The following MYO3B variants were observed in gnomAD, a reference collection of about 807,000 sequenced individuals.
MYO3B encodes myosin-IIIb.
Under a neutral mutation model 174.6 loss-of-function variants are expected in MYO3B, and 156 were observed. The observed-to-expected ratio is 0.89, with a 90% CI of 0.78 to 1.02. MYO3B has a LOEUF of 1.02. Among genes scored for constraint, MYO3B ranks in the 50% least tolerant of loss-of-function variants. The pLI, the probability that MYO3B is intolerant of heterozygous loss-of-function variation, is 0.00. For synonymous variants in MYO3B, 563 were observed against 569.1 expected (o/e 0.99, Z 0.15); for missense variants, 1,632 against 1,639.4 (o/e 1.00, Z 0.08).
chr2:170,487,538 C>T (rs1447072880), intron 25 of MYO3B, among the ~76,000 whole-genome samples: 1 of 152,058 alleles, frequency 6.6e-6, no homozygotes, highest in Non-Finnish European at 1.5e-5. Context: ...ATACCAAAGC[C>T]CTAAAACTCT....
chr2:170,180,722 A>G (rs899436425), intron 1 of MYO3B, among the ~76,000 whole-genome samples: 1 of 152,190 alleles, frequency 6.6e-6, no homozygotes, highest in Admixed American at 6.5e-5. Flanking sequence ...ACCTCTCCCT[A>G]AAGTTTAAGA....
At position 170,423,585 on chromosome 2, in the gene MYO3B, C is replaced by CTTTTTTT. The variant is rs34209442; in HGVS notation, c.2650+15752_2650+15758dup. Among the ~76,000 whole-genome samples the CTTTTTTT allele has an allele frequency of 4.0e-5, 5 of 124,298 alleles. 1 individual carries two copies. The highest frequency in any genetic ancestry group is 6.4e-5 in the Non-Finnish European group (4 of 62,022). The allele number at this position is 124,298 out of a possible 152,430, so 81.5% of individuals were successfully genotyped here. ...CGGATTTGCAGAGTTTCAGCAAAAG[C>CTTTTTTT]TTTTTTTTTTTTTTTTTGAGACAGA... On this transcript the variant is annotated intron_variant, in intron 22 of 34. Transcript: ENST00000408978.
chr2:170,390,947 T>C (rs908699389), intron 14 of MYO3B, among the ~76,000 whole-genome samples: 1 of 152,122 alleles, frequency 6.6e-6, no homozygotes, highest in African/African-American at 2.4e-5. Flanking sequence ...CAGGCTATGC[T>C]CAGAGTAGCA....
chr2:170,614,065 C>T (rs1185433645), intron 32 of MYO3B, among the ~76,000 whole-genome samples: 1 of 152,092 alleles, frequency 6.6e-6, no homozygotes, highest in Non-Finnish European at 1.5e-5. Context: ...AGATTTCATC[C>T]CTCTCTTCAA....
chr2:170,411,078 G>A (rs2094543310), intron 22 of MYO3B, among the ~76,000 whole-genome samples: 2 of 152,078 alleles, frequency 1.3e-5, no homozygotes, highest in African/African-American at 4.8e-5. Context: ...TTTCTTTATC[G>A]AAGGATTCCT....
intron 6 of MYO3B, among the ~76,000 whole-genome samples, chr2:170,227,711 C>A (rs2092967354): frequency 6.6e-6 from 1 of 152,186 alleles, no homozygotes; most frequent in Non-Finnish European, 1.5e-5. Flanking sequence ...ACCACAGATA[C>A]TTGCCGATGA....
chr2:170,282,427 A>G (rs915104637), intron 7 of MYO3B, among the ~76,000 whole-genome samples: 2 of 152,210 alleles, frequency 1.3e-5, no homozygotes, highest in Admixed American at 1.3e-4. Flanking sequence ...ATGTAGGTTT[A>G]CTTTGGGTTT....
At position 170,214,248 on chromosome 2, in the gene MYO3B, C is replaced by T. The variant is rs2092803610; in HGVS notation, c.322-131C>T. The stretch of plus-strand genomic sequence containing the variant: ...ATGGAAATGTGAAGTCTGAGTATTC[C>T]AAGCTGGAGTTTTGTAATCTGCAAA... On this transcript the variant is annotated intron_variant, in intron 3 of 34. Coordinates refer to ENST00000408978, the MANE Select transcript of MYO3B (RefSeq NM_138995.5). 4.1e-5 allele frequency: 26 copies of T among 633,488 alleles called. No individual in the cohort carries two copies. The South Asian group carries it at 5.4e-4, about 13-fold the overall frequency. 39.2% of individuals were successfully genotyped at this position (633,488 alleles called of 1,614,324 possible).
At chr2:170,211,511 G>A (rs1221575380) in intron 3 of MYO3B, among the ~76,000 whole-genome samples, 2 of 151,910 alleles carry the variant, frequency 1.3e-5, no homozygotes, top group Admixed American at 1.3e-4. Flanking sequence ...GAGCGTATGC[G>A]GTATTTTCGA....
intron 32 of MYO3B, among the ~76,000 whole-genome samples, chr2:170,610,997 T>C (rs1695096722): frequency 6.6e-6 from 1 of 152,200 alleles, no homozygotes; most frequent in Non-Finnish European, 1.5e-5. Flanking sequence ...TGCAGATCCA[T>C]GAGACCAGAG....
At chr2:170,593,326 C>T (rs1352294495) in intron 32 of MYO3B, among the ~76,000 whole-genome samples, 2 of 152,154 alleles carry the variant, frequency 1.3e-5, no homozygotes, top group Admixed American at 1.3e-4. Context: ...TGGTCTTGAA[C>T]TCCTGGGCTC....
At chr2:170,362,281 T>C (rs747376609) in intron 8 of MYO3B, among the ~76,000 whole-genome samples, 5 of 152,202 alleles carry the variant, frequency 3.3e-5, no homozygotes, top group Non-Finnish European at 7.3e-5. Context: ...TATCCCCAAG[T>C]TTCCTGCCCA....
chr2:170,314,471 T>A (rs181140741), intron 7 of MYO3B, among the ~76,000 whole-genome samples: 1 of 152,300 alleles, frequency 6.6e-6, no homozygotes, highest in Non-Finnish European at 1.5e-5. Context: ...AAGCATTCTG[T>A]CCCTCCTCTG....
intron 7 of MYO3B, among the ~76,000 whole-genome samples, chr2:170,240,890 T>C (rs1689004496): frequency 6.6e-6 from 1 of 152,242 alleles, no homozygotes; most frequent in South Asian, 2.1e-4. Flanking sequence ...TTAAAGGAAC[T>C]GCTTTTTAGT....
intron 24 of MYO3B, 108 bp downstream of exon 24, chr2:170,463,553 T>G: frequency 1.1e-6 from 1 of 950,490 alleles, no homozygotes; most frequent in African/African-American, 1.6e-5. Flanking sequence ...AAGCACAGAG[T>G]CAAGAAAGAT....
In MYO3B at chr2:170,466,523, G is replaced by C. The variant is rs1414185968; in HGVS notation, c.2826G>C (p.Leu942=). The change falls in exon 25 of 35, where the codon CTG becomes CTC. Residue 942 remains leucine (L), a synonymous_variant. Transcript: ENST00000408978. Reference sequence around the variant, plus strand: ...CCTGGTAGTATTCTCTGATGGACCTGCTCTCCAAAATGGTGGTTGGACAGC... The same window carrying C: ...CCTGGTAGTATTCTCTGATGGACCTCCTCTCCAAAATGGTGGTTGGACAGC... The part of the protein sequence containing the change: ...ASYFRYSLMD[L]LSKMVVGQPH... 1 of 1,614,094 alleles carries C rather than the reference G, an allele frequency of 6.2e-7. No individual in the cohort carries two copies.
chr2:170,304,659 G>A (rs2093688666), intron 7 of MYO3B, among the ~76,000 whole-genome samples: 1 of 151,508 alleles, frequency 6.6e-6, no homozygotes, highest in African/African-American at 2.4e-5. Context: ...TAGAGATGGG[G>A]TTTCACCATG....
intron 7 of MYO3B, among the ~76,000 whole-genome samples, chr2:170,261,257 C>G (rs537346818): frequency 8.9e-4 from 136 of 152,044 alleles, no homozygotes; most frequent in Non-Finnish European, 1.5e-3. Context: ...CTCCTGGCCT[C>G]AAGGGATCCC....
intron 22 of MYO3B, among the ~76,000 whole-genome samples, chr2:170,430,288 C>T (rs890333792): frequency 2.0e-5 from 3 of 151,862 alleles, no homozygotes; most frequent in African/African-American, 7.3e-5. Flanking sequence ...CAAAACTGTC[C>T]CCCTTACCTG....
Sources: allele counts gnomAD v4.1 joint callset (sites outside exome capture counted in the v4.1 genomes callset), GRCh38; gene constraint gnomAD v4.1.1; transcripts MANE v1.5; gene names NCBI Gene and HGNC (gene_info 2026-07-23, HGNC 2026-07-21).